Variants in IGHMBP2 observed in about 807,000 individuals in gnomAD.
IGHMBP2 encodes the protein immunoglobulin mu DNA binding protein 2.
In IGHMBP2, 81 loss-of-function variants were observed where a neutral mutation model predicts 96.0. The ratio of observed to expected loss-of-function variants is 0.84; its 90% confidence interval spans 0.71 to 1.01. The LOEUF is 1.01. IGHMBP2 is among the 50% of genes least tolerant of loss of function. The pLI, the probability that IGHMBP2 is intolerant of heterozygous loss-of-function variation, is 0.00. For missense variants in IGHMBP2, 1,227 were observed against 1,306.3 expected, an observed-to-expected ratio of 0.94 and a Z score of 0.94; for synonymous variants, 557 against 548.9, an observed-to-expected ratio of 1.01 and a Z score of -0.21.
At chr11:68,930,152 C>CTG (rs1398881134) in intron 8 of IGHMBP2, 1 of 1,203,708 alleles carries the variant, frequency 8.3e-7, no homozygotes, top group African/African-American at 1.6e-5. Flanking sequence ...TGAACAGGGC[C>CTG]TGGCACGTGG....
At position 68,903,920 on chromosome 11, in the gene IGHMBP2, G is replaced by C; in HGVS notation, c.-33G>C. 6.3e-7 allele frequency: 1 copy of C among 1,599,240 alleles called. No homozygotes were observed. Among genetic ancestry groups the C allele is most frequent in the South Asian group, 1.1e-5 (1 of 89,730 alleles). ...CACCGGCCCGGCGCAGAAGCGGGAC[G>C]TCGGCTTCTAGGGGCCCAGGCCGGC... On this transcript the variant is annotated 5_prime_UTR_variant, in exon 1 of 15. Transcript: ENST00000255078.
rs140028157 is a variant in IGHMBP2, at chr11:68,908,433, A to G, written c.449+96A>G. The G allele has an allele frequency of 2.0e-4, 288 of 1,462,334 alleles. No homozygotes were observed. In the African/African-American group the frequency reaches 3.5e-3, roughly 18 times the overall value. The allele number at this position is 1,462,334 out of a possible 1,614,324, so 90.6% of individuals were successfully genotyped here. A position where few individuals can be genotyped will look rare whatever the true frequency, so the allele number is the denominator to read the frequency against. On this transcript the variant is annotated intron_variant, in intron 3 of 14. Transcript: ENST00000255078. ...GTCGCACAAAAGAGAGCAACAAGTC[A>G]TGGTGTGGGTGTGGCCCTCATGGGA...
At chr11:68,937,553 C>T (rs1859600554) in intron 13 of IGHMBP2, among the ~76,000 whole-genome samples, 1 of 152,240 alleles carries the variant, frequency 6.6e-6, no homozygotes, top group African/African-American at 2.4e-5. Flanking sequence ...CATTCTTGCC[C>T]TTGGGCCATG....
intron 9 of IGHMBP2, 94 bp from the exon 10 acceptor site, chr11:68,933,701 G>A (rs1383601377): frequency 9.0e-7 from 1 of 1,108,538 alleles, no homozygotes; most frequent in Non-Finnish European, 1.3e-6. Flanking sequence ...CCCTACCTAA[G>A]CCTTTTCCTC....
chr11:68,910,048 A>G (rs1479290965), intron 4 of IGHMBP2, among the ~76,000 whole-genome samples: 1 of 152,158 alleles, frequency 6.6e-6, no homozygotes, highest in Admixed American at 6.5e-5. Context: ...GACTTGGCCC[A>G]TTTGTAAAGC....
At chr11:68,925,768 G>A (rs1859043393) in intron 7 of IGHMBP2, among the ~76,000 whole-genome samples, 1 of 152,154 alleles carries the variant, frequency 6.6e-6, no homozygotes, top group East Asian at 1.9e-4. Context: ...CTTTGGACGT[G>A]TCATTCCATT....
intron 7 of IGHMBP2, among the ~76,000 whole-genome samples, chr11:68,926,983 C>T (rs774973464): frequency 2.9e-4 from 44 of 152,036 alleles, no homozygotes; most frequent in African/African-American, 9.4e-4. Flanking sequence ...AGGCAGGTGT[C>T]GAACTCCTGA....
In IGHMBP2 at chr11:68,929,861, A is replaced by G. The variant is rs145650445; in HGVS notation, c.1235+504A>G. On this transcript the variant is annotated intron_variant, in intron 8 of 14. Coordinates refer to ENST00000255078, the MANE Select transcript of IGHMBP2 (RefSeq NM_002180.3). ...TGGCCCAGGCTGTCCTGGTGGAGAC[A>G]CTGGAGTCCTGATGCGGTGGCCTGG... 3.0e-3 allele frequency: 2,977 copies of G among 977,656 alleles called. 79 individuals are homozygous for G. In the African/African-American group the frequency reaches 0.051, roughly 17 times the overall value. 60.6% of individuals were successfully genotyped at this position (977,656 alleles called of 1,614,324 possible). A position where few individuals can be genotyped will look rare whatever the true frequency, so the allele number is the denominator to read the frequency against.
chr11:68,933,744 C>G lies in IGHMBP2; in HGVS notation c.1419-51C>G, dbSNP rs1426381428. The G allele has an allele frequency of 2.1e-6, 3 of 1,429,020 alleles. No individual in the cohort carries two copies. The South Asian group carries it at 3.5e-5, about 17-fold the overall frequency. The allele number at this position is 1,429,020 out of a possible 1,614,324, so 88.5% of individuals were successfully genotyped here. ...GGGTCGGTTCTGTTGGGTGGGGCCT[C>G]AGTGCTGCACTGTGGCCCCCTGATG... is the stretch of plus-strand genomic sequence containing the variant. On this transcript the variant is annotated intron_variant, in intron 9 of 14. Coordinates refer to ENST00000255078, the MANE Select transcript of IGHMBP2 (RefSeq NM_002180.3).
rs1859576991 is a variant in IGHMBP2, at chr11:68,937,091, G to A, written c.2611G>A (p.Gly871Arg). Reference protein sequence around the residue: ...LPEKKKKKAKGHPATDLPTEE... With the variant: ...LPEKKKKKAKRHPATDLPTEE... ...AGAAAAGAAAAAGAAAAAAGCCAAA[G>A]GTAAGTCAACTAATAAGAACTTGGG... is the stretch of plus-strand genomic sequence containing the variant. The change falls in exon 13 of 15, where the codon GGA becomes AGA. Residue 871 changes from glycine to arginine, a missense_variant and splice_region_variant. By Grantham distance (125) the Gly-to-Arg change is moderately radical (BLOSUM62 -2). Transcript: ENST00000255078. The A allele has an allele frequency of 6.3e-7, 1 of 1,597,054 alleles. No homozygotes were observed. Among genetic ancestry groups the A allele is most frequent in the Non-Finnish European group, 8.5e-7 (1 of 1,179,804 alleles).
intron 4 of IGHMBP2, among the ~76,000 whole-genome samples, chr11:68,911,138 C>T (rs1039921410): frequency 5.3e-5 from 8 of 152,170 alleles, no homozygotes; most frequent in Non-Finnish European, 1.0e-4. Flanking sequence ...CCATATCATA[C>T]GTACCGTCTA....
Position 68,938,196 on chromosome 11 carries a change from G to T in IGHMBP2, c.2626G>T (p.Asp876Tyr), listed in dbSNP as rs756347336. 2 of 1,614,024 alleles carry T rather than the reference G, an allele frequency of 1.2e-6. No individual in the cohort carries two copies. Among genetic ancestry groups the T allele is most frequent in the Non-Finnish European group, 1.7e-6 (2 of 1,180,056 alleles). The change falls in exon 14 of 15, where the codon GAT (aspartate) becomes TAT (tyrosine). Residue 876 changes from aspartate to tyrosine, a missense_variant. This residue lies in a region of IGHMBP2 where 703 missense variants were observed against 770.3 expected (regional missense o/e 0.91). Transcript: ENST00000255078. The stretch of plus-strand genomic sequence containing the variant: ...GTCTTCTCCAGGACATCCGGCCACA[G>T]ATCTGCCCACGGAGGAGGACTTTGA... ...KKKAKGHPAT[D>Y]LPTEEDFEAL...
chr11:68,927,293 G>A (rs1321544454), intron 7 of IGHMBP2, among the ~76,000 whole-genome samples: 1 of 152,112 alleles, frequency 6.6e-6, no homozygotes, highest in Non-Finnish European at 1.5e-5. Flanking sequence ...TGTCTTGCGT[G>A]GCCACTAAAG....
At chr11:68,933,986 T>A (rs2154008661) in intron 10 of IGHMBP2, 73 bp downstream of exon 10, 3 of 1,049,344 alleles carry the variant, frequency 2.9e-6, no homozygotes, top group Non-Finnish European at 4.4e-6. Flanking sequence ...AAAGGCACTT[T>A]AATTGCCTAA....
Position 68,914,976 on chromosome 11 carries a change from A to C in IGHMBP2, c.865A>C (p.Ser289Arg). Residue 289 changes from serine to arginine, a missense_variant, in exon 6 of 15, where the codon AGT (serine) becomes CGT (arginine). Transcript: ENST00000255078. ...SLDAVLARSD[S>R]AQIVADIRKD... ...GGATGCGGTTTTAGCGCGGAGCGAC[A>C]GTGCCCAGATTGTTGCAGATATCAG... 1 of 1,614,118 alleles carries C rather than the reference A, an allele frequency of 6.2e-7. No homozygotes were observed. Among genetic ancestry groups the C allele is most frequent in the Non-Finnish European group, 8.5e-7 (1 of 1,180,024 alleles).
At chr11:68,915,458 G>A (rs1858623518) in intron 6 of IGHMBP2, among the ~76,000 whole-genome samples, 1 of 150,984 alleles carries the variant, frequency 6.6e-6, no homozygotes, top group Non-Finnish European at 1.5e-5. Context: ...GGGATTACAG[G>A]CGTGAGCCAC....
At chr11:68,908,738 A>G (rs1214824177) in intron 4 of IGHMBP2, 107 bp downstream of exon 4, 3 of 776,118 alleles carry the variant, frequency 3.9e-6, no homozygotes, top group Non-Finnish European at 6.7e-6. Context: ...TATGACTAGA[A>G]GAAGTCTCCC....
rs1177328805 is a variant in IGHMBP2, at chr11:68,909,191, G to T, written c.547+560G>T. On this transcript the variant is annotated intron_variant, in intron 4 of 14. Coordinates refer to ENST00000255078, the MANE Select transcript of IGHMBP2 (RefSeq NM_002180.3). Reference sequence around the variant, plus strand: ...TTTTTTTTGGCGGGGGGGGTGGAGGGGGGGGGCGGATGGAGTCTCGCTCTG... The same window carrying T: ...TTTTTTTTGGCGGGGGGGGTGGAGGTGGGGGGCGGATGGAGTCTCGCTCTG... Among the ~76,000 whole-genome samples, 22 of 116,116 alleles carry T rather than the reference G, an allele frequency of 1.9e-4. 1 individual carries two copies. Among genetic ancestry groups the T allele is most frequent in the Non-Finnish European group, 3.4e-4 (19 of 55,098 alleles). 76.2% of individuals were successfully genotyped at this position (116,116 alleles called of 152,430 possible). A position where few individuals can be genotyped will look rare whatever the true frequency, so the allele number is the denominator to read the frequency against.
intron 7 of IGHMBP2, among the ~76,000 whole-genome samples, chr11:68,924,553 G>T (rs958406965): frequency 5.9e-5 from 9 of 152,262 alleles, no homozygotes; most frequent in Admixed American, 4.6e-4. Context: ...TCACGTGGTT[G>T]TTGGCAGCAT....
Sources: allele counts gnomAD v4.1 joint callset (sites outside exome capture counted in the v4.1 genomes callset), GRCh38; gene constraint gnomAD v4.1.1; regional missense constraint gnomAD v4.1.1; transcripts MANE v1.5; gene names NCBI Gene and HGNC (gene_info 2026-07-23, HGNC 2026-07-21).